Variants in FANCD2OS observed in about 807,000 individuals in gnomAD.
The protein encoded by FANCD2OS is FANCD2 opposite strand protein.
A neutral mutation model predicts 13.2 loss-of-function variants in FANCD2OS; 11 were observed. The observed-to-expected ratio is 0.83, with a 90% CI of 0.52 to 1.38. The LOEUF is 1.38. Ranked by LOEUF, FANCD2OS falls within the 40% of genes most tolerant of loss-of-function variation. The probability of loss-of-function intolerance (pLI) is 0.00; values close to 1 mark genes in which losing one functional copy is unlikely to be tolerated. For missense variants in FANCD2OS, 217 were observed against 213.9 expected (o/e 1.01, Z -0.09); for synonymous variants, 69 against 84.5 (o/e 0.82, Z 1.01).
chr3:10,082,336 T>A (rs764115368), intron 2 of FANCD2OS, among the ~76,000 whole-genome samples: 6 of 152,176 alleles, frequency 3.9e-5, no homozygotes, highest in East Asian at 1.9e-4. Flanking sequence ...GCTTCCAGAC[T>A]CCCATTATCT....
chr3:10,093,293 T>TA, intron 2 of FANCD2OS: 2 of 1,613,618 alleles, frequency 1.2e-6, no homozygotes, highest in Non-Finnish European at 1.7e-6. Flanking sequence ...AGGTATTTGA[T>TA]AGTCATCCTG....
rs777648700 is a variant in FANCD2OS at position 10,104,573 on chromosome 3, C to G, written c.202G>C (p.Val68Leu). 3 of 1,614,076 alleles carry G rather than the reference C, an allele frequency of 1.9e-6. No homozygotes were observed. Among genetic ancestry groups the G allele is most frequent in the African/African-American group, 1.3e-5 (1 of 74,910 alleles). The change falls in exon 2 of 2, where the codon GTG becomes CTG. Residue 68 changes from valine (V) to leucine (L), a missense_variant. Val to Leu is a conservative substitution (Grantham distance 32). Transcript: ENST00000450660. The part of the protein sequence containing the change: ...VLDSPFLESG[V>L]SPKLPCHTSE... ...GTGTGGCAGGGTAACTTGGGACTCA[C>G]TCCAGATTCCAGGAATGGGCTGTCT...
chr3:10,087,192 C>CT, intron 2 of FANCD2OS: 1 of 1,612,092 alleles, frequency 6.2e-7, no homozygotes, highest in Non-Finnish European at 8.5e-7. Context: ...CCAGTGTGCT[C>CT]TTTATCTCAT....
chr3:10,104,421 G>C lies in FANCD2OS; in HGVS notation c.354C>G (p.Phe118Leu). The C allele has an allele frequency of 6.2e-7, 1 of 1,614,188 alleles. No individual in the cohort carries two copies. The highest frequency in any genetic ancestry group is 8.5e-7 in the Non-Finnish European group (1 of 1,180,026). ...AAAAGGCTGACTTGTCTGAAACTCT[G>C]AAAGTCCCGGTCCACTTTGGTGGCT... Reference protein sequence around the residue: ...TAQPPKWTGTFRVSDKSAFCK... With the variant: ...TAQPPKWTGTLRVSDKSAFCK... Residue 118 changes from phenylalanine (F) to leucine (L), a missense_variant, in exon 2 of 2, where the codon TTC (phenylalanine) becomes TTG (leucine). Transcript: ENST00000450660.
At chr3:10,102,897 C>T (rs1695359273), downstream of FANCD2OS, 1 of 176,706 alleles carries the variant, frequency 5.7e-6, no homozygotes, top group African/African-American at 2.4e-5. Context: ...CAGCATCAAA[C>T]TCATGTTAAC....
In FANCD2OS at chr3:10,104,528, T is replaced by C. The variant is rs769515008; in HGVS notation, c.247A>G (p.Asn83Asp). Residue 83 changes from asparagine (N) to aspartate (D), a missense_variant, in exon 2 of 2, where the codon AAC (asparagine) becomes GAC (aspartate). By Grantham distance (23) the Asn-to-Asp change is conservative (BLOSUM62 1). Coordinates refer to ENST00000450660, the MANE Select transcript of FANCD2OS (RefSeq NM_001164839.2). ...GGCTTCCTGACCAGTCCTTTGTTGTTCATCGTGCGCAACTCTGATGTGTGG... is the reference window on the plus strand; with the variant it reads ...GGCTTCCTGACCAGTCCTTTGTTGTCCATCGTGCGCAACTCTGATGTGTGG... Reference protein sequence around the residue: ...PCHTSELRTMNNKGLVRKPQP... With the variant: ...PCHTSELRTMDNKGLVRKPQP... 4.3e-6 allele frequency: 7 copies of C among 1,614,060 alleles called. No homozygotes were observed. In the South Asian group the frequency reaches 6.6e-5, roughly 15 times the overall value.
intron 2 of FANCD2OS, among the ~76,000 whole-genome samples, chr3:10,095,770 A>G (rs563768666): frequency 2.0e-5 from 3 of 152,320 alleles, no homozygotes; most frequent in East Asian, 3.9e-4. Flanking sequence ...CTGAATGAAC[A>G]CAGAACCCTA....
intron 2 of FANCD2OS, among the ~76,000 whole-genome samples, chr3:10,088,272 A>G (rs1694355424): frequency 6.6e-6 from 1 of 152,198 alleles, no homozygotes; most frequent in Admixed American, 6.5e-5. Flanking sequence ...ATGTCTGGCA[A>G]AAGGGCCAGT....
At chr3:10,091,712 T>C (rs1049251222) in intron 2 of FANCD2OS, among the ~76,000 whole-genome samples, 18 of 151,718 alleles carry the variant, frequency 1.2e-4, no homozygotes, top group African/African-American at 3.6e-4. Context: ...TAGGAACTCT[T>C]TGAAAAAAAA....
downstream of FANCD2OS, among the ~76,000 whole-genome samples, chr3:10,100,983 C>T (rs554984781): frequency 2.0e-5 from 3 of 151,926 alleles, no homozygotes; most frequent in South Asian, 2.1e-4. Context: ...GCAGGGGAAT[C>T]GCTTGAACCC....
chr3:10,088,026 G>C (rs762049274), intron 2 of FANCD2OS, among the ~76,000 whole-genome samples: 62 of 152,180 alleles, frequency 4.1e-4, no homozygotes, highest in Non-Finnish European at 5.9e-4. Context: ...CAGAAAGCAA[G>C]ATAAAAATGC....
At chr3:10,101,590 C>G, downstream of FANCD2OS, 1 of 371,914 alleles carries the variant, frequency 2.7e-6, no homozygotes, top group East Asian at 4.7e-5. Flanking sequence ...TTTACCATGT[C>G]GGCCAGATGG....
chr3:10,097,002 C>T (rs1243885528), intron 2 of FANCD2OS, among the ~76,000 whole-genome samples: 2 of 151,966 alleles, frequency 1.3e-5, no homozygotes, highest in Admixed American at 6.6e-5. Context: ...GCTGGGCGTC[C>T]GGGGGAGACA....
intron 2 of FANCD2OS, chr3:10,093,392 T>TCTAGA: frequency 7.8e-7 from 1 of 1,285,018 alleles, no homozygotes; most frequent in Non-Finnish European, 1.1e-6. Flanking sequence ...GGACCTCAGC[T>TCTAGA]GAGATAAATT....
At position 10,091,162 on chromosome 3, in the gene FANCD2OS, C is replaced by G. The variant is rs182852266; in HGVS notation, c.*44-9631G>C. On this transcript the variant is annotated intron_variant, in intron 2 of 2. Transcript: ENST00000524279. ...GTGGTGCAAACTTGGCTCACTGCAGCCTTTGCCTTCTGGGCTCAGATGATC... is the reference window on the plus strand; with the variant it reads ...GTGGTGCAAACTTGGCTCACTGCAGGCTTTGCCTTCTGGGCTCAGATGATC... Among the ~76,000 whole-genome samples the G allele has an allele frequency of 3.9e-4, 57 of 147,488 alleles. 1 individual carries two copies. The highest frequency in any genetic ancestry group is 1.4e-3 in the African/African-American group (57 of 40,050).
chr3:10,102,959 A>G, downstream of FANCD2OS: 1 of 272,410 alleles, frequency 3.7e-6, no homozygotes, highest in Non-Finnish European at 7.4e-6. Context: ...TAACCTAGTT[A>G]CAAGAACGCT....
At position 10,096,304 on chromosome 3, in the gene FANCD2OS, G is replaced by T. The variant is rs769332990; in HGVS notation, c.*43+7894C>A. ...CATGATGATAAACTCACAAAAGATGGATGTTATTTATTTCCATTCAGATTC... is the reference window on the plus strand; with the variant it reads ...CATGATGATAAACTCACAAAAGATGTATGTTATTTATTTCCATTCAGATTC... On this transcript the variant is annotated intron_variant, in intron 2 of 2. Transcript: ENST00000524279. The T allele has an allele frequency of 8.1e-6, 13 of 1,613,102 alleles. No individual in the cohort carries two copies. The Admixed American group carries it at 1.0e-4, about 12-fold the overall frequency.
chr3:10,091,044 T>C (rs1430276113), intron 2 of FANCD2OS, among the ~76,000 whole-genome samples: 5 of 151,830 alleles, frequency 3.3e-5, no homozygotes, highest in African/African-American at 1.2e-4. Context: ...AGGGCTAGCA[T>C]AGGGAAGCAG....
chr3:10,088,465 A>T (rs143403347), intron 2 of FANCD2OS: 11 of 1,609,148 alleles, frequency 6.8e-6, no homozygotes, highest in South Asian at 1.1e-5. Flanking sequence ...TTGCCAGACA[A>T]TTCCTCTGTC....
Sources: allele counts gnomAD v4.1 joint callset (sites outside exome capture counted in the v4.1 genomes callset), GRCh38; gene constraint gnomAD v4.1.1; transcripts MANE v1.5; gene names NCBI Gene and HGNC (gene_info 2026-07-23, HGNC 2026-07-21).